GRIP1: variants seen among roughly 807,000 people sequenced by gnomAD.
GRIP1 encodes the protein glutamate receptor interacting protein 1.
GRIP1 carries 45 observed loss-of-function variants against 129.9 expected under a neutral mutation model. The observed-to-expected ratio is 0.35, with a 90% CI of 0.27 to 0.44. The LOEUF (loss-of-function observed/expected upper bound fraction) is 0.44, where lower values mean the gene tolerates loss of function less well. Ranked by LOEUF, GRIP1 falls within the 20% of genes least tolerant of loss-of-function variation. The pLI, the probability that GRIP1 is intolerant of heterozygous loss-of-function variation, is 1.00. For missense variants in GRIP1, 1,196 were observed against 1,396.8 expected (o/e 0.86, Z 2.29); for synonymous variants, 530 against 520.8 (o/e 1.02, Z -0.24).
intron 1 of GRIP1, among the ~76,000 whole-genome samples, chr12:66,722,032 C>G (rs897340787): frequency 2.0e-5 from 3 of 152,176 alleles, no homozygotes; most frequent in Non-Finnish European, 4.4e-5. Flanking sequence ...TCTCTCCAAA[C>G]CATTAAAACT....
At chr12:66,472,478 T>C (rs2059465691) in intron 7 of GRIP1, among the ~76,000 whole-genome samples, 1 of 152,206 alleles carries the variant, frequency 6.6e-6, no homozygotes, top group African/African-American at 2.4e-5. Context: ...CAATGAAATC[T>C]TTAATATAGT....
At chr12:66,725,932 TGCTCAGAGACATTAAGTGATTTCCCAA>T (rs1359343307) in intron 1 of GRIP1, among the ~76,000 whole-genome samples, 2 of 152,138 alleles carry the variant, frequency 1.3e-5, no homozygotes, top group Admixed American at 1.3e-4. Context: ...AAGGAAAACA[TGCTCAGAGACATTAAGTGATTTCCCAA>T]GATCACAAAG....
chr12:66,933,614 T>C (rs1169628782), intron 1 of GRIP1, among the ~76,000 whole-genome samples: 2 of 152,090 alleles, frequency 1.3e-5, no homozygotes, highest in African/African-American at 4.8e-5. Context: ...GACACAATAA[T>C]GAAATGAAAT....
chr12:66,410,330 T>A (rs1256978400), intron 15 of GRIP1, among the ~76,000 whole-genome samples: 2 of 121,936 alleles, frequency 1.6e-5, no homozygotes, highest in African/African-American at 6.2e-5. Flanking sequence ...CCAGAGAAGA[T>A]GAAAGAAAAA....
chr12:66,500,324 G>A (rs751841295), intron 7 of GRIP1, among the ~76,000 whole-genome samples: 5 of 152,160 alleles, frequency 3.3e-5, no homozygotes, highest in Non-Finnish European at 7.3e-5. Context: ...CAGATAGGAC[G>A]AAAGTCATGA....
At chr12:66,806,644 G>A (rs1032777663), upstream of GRIP1, among the ~76,000 whole-genome samples, 1 of 139,524 alleles carries the variant, frequency 7.2e-6, no homozygotes, top group African/African-American at 3.4e-5. Context: ...CATTTCACTA[G>A]AGTTTGATTT....
At chr12:67,038,742 T>TGTATAGA (rs1325646043) in intron 1 of GRIP1, among the ~76,000 whole-genome samples, 2 of 152,234 alleles carry the variant, frequency 1.3e-5, no homozygotes, top group East Asian at 1.9e-4. Flanking sequence ...CCATTCCATC[T>TGTATAGA]GAGCAAAGGC....
intron 1 of GRIP1, among the ~76,000 whole-genome samples, chr12:66,884,178 C>CA (rs1473314053): frequency 6.6e-6 from 1 of 152,218 alleles, no homozygotes; most frequent in East Asian, 1.9e-4. Flanking sequence ...CAAAAGGCTG[C>CA]ATGCTTAACC....
intron 24 of GRIP1, among the ~76,000 whole-genome samples, chr12:66,352,732 A>G (rs1427489071): frequency 1.7e-5 from 2 of 116,728 alleles, no homozygotes; most frequent in Non-Finnish European, 3.4e-5. Context: ...AAAAAAAAAA[A>G]AAAAGGAAAA....
intron 1 of GRIP1, among the ~76,000 whole-genome samples, chr12:67,005,262 A>C (rs1053421263): frequency 6.6e-6 from 1 of 152,180 alleles, no homozygotes; most frequent in African/African-American, 2.4e-5. Flanking sequence ...CTTCTTCCAT[A>C]GCTAATCTAA....
chr12:66,588,334 G>A (rs17102710), intron 2 of GRIP1, among the ~76,000 whole-genome samples: 22,541 of 152,010 alleles, frequency 0.15, 1,776 homozygotes, highest in Non-Finnish European at 0.17. Flanking sequence ...ATAATGGCAT[G>A]AGCCCTGTGA....
At chr12:67,031,987 T>A (rs1160352883) in intron 1 of GRIP1, among the ~76,000 whole-genome samples, 1 of 152,166 alleles carries the variant, frequency 6.6e-6, no homozygotes, top group Non-Finnish European at 1.5e-5. Context: ...CTTTGTTTTG[T>A]ATGCCCTTCC....
intron 1 of GRIP1, among the ~76,000 whole-genome samples, chr12:67,050,512 A>G (rs900545768): frequency 2.6e-5 from 4 of 152,044 alleles, no homozygotes; most frequent in African/African-American, 7.2e-5. Flanking sequence ...GCTCAATTGG[A>G]AAAAAAAGAG....
At chr12:66,595,849 T>C (rs1056829896) in intron 2 of GRIP1, among the ~76,000 whole-genome samples, 6 of 152,174 alleles carry the variant, frequency 3.9e-5, no homozygotes, top group Admixed American at 3.9e-4. Context: ...CCTGAAATTT[T>C]TATAAAAATA....
intron 1 of GRIP1, among the ~76,000 whole-genome samples, chr12:66,760,955 T>A (rs1320387740): frequency 6.6e-6 from 1 of 152,004 alleles, no homozygotes; most frequent in Non-Finnish European, 1.5e-5. Context: ...TTGAGCTCTA[T>A]GGAACCTCCA....
intron 2 of GRIP1, among the ~76,000 whole-genome samples, chr12:66,561,088 A>G (rs1190586386): frequency 6.6e-6 from 1 of 152,222 alleles, no homozygotes; most frequent in Non-Finnish European, 1.5e-5. Flanking sequence ...CAGGCACAGA[A>G]AGACAAACAC....
chr12:66,633,382 C>T (rs907387003), intron 1 of GRIP1, among the ~76,000 whole-genome samples: 2 of 149,022 alleles, frequency 1.3e-5, no homozygotes, highest in African/African-American at 2.4e-5. Context: ...AACTCTTGAG[C>T]TCCAGCAATC....
At chr12:66,562,525 T>TAA in intron 2 of GRIP1, among the ~76,000 whole-genome samples, 2 of 152,330 alleles carry the variant, frequency 1.3e-5, no homozygotes, top group Admixed American at 1.3e-4. Context: ...TACAGCTTAA[T>TAA]AATAGTTCAG....
At chr12:66,675,434 C>A (rs941776043) in intron 1 of GRIP1, among the ~76,000 whole-genome samples, 2 of 152,008 alleles carry the variant, frequency 1.3e-5, no homozygotes, top group African/African-American at 4.8e-5. Flanking sequence ...GCATATGAGG[C>A]CAAACTGTCT....
Sources: gnomAD v4.1 joint callset for allele counts (sites outside exome capture counted in the v4.1 genomes callset) on GRCh38, gnomAD v4.1.1 for gene constraint, MANE v1.5 for transcripts, NCBI Gene and HGNC (gene_info 2026-07-23, HGNC 2026-07-21) for gene names.